PAK5: variants seen among roughly 807,000 people sequenced by gnomAD.
The protein encoded by PAK5 is serine/threonine-protein kinase PAK 5.
In PAK5, 16 loss-of-function variants were observed where a neutral mutation model predicts 65.9. That is an observed-to-expected ratio of 0.24 (90% confidence interval 0.16 to 0.37). The LOEUF is 0.37. Among genes scored for constraint, PAK5 ranks in the 10% least tolerant of loss-of-function variants. The probability of loss-of-function intolerance (pLI) is 1.00; values close to 1 mark genes in which losing one functional copy is unlikely to be tolerated. For missense variants in PAK5, 785 were observed against 903.9 expected (o/e 0.87, Z 1.69); for synonymous variants, 371 against 354.9 (o/e 1.05, Z -0.51).
chr20:9,569,856 C>G (rs1438507128), intron 4 of PAK5, among the ~76,000 whole-genome samples: 1 of 151,880 alleles, frequency 6.6e-6, no homozygotes, highest in East Asian at 1.9e-4. Flanking sequence ...GCTTCAAAAA[C>G]ACTACACTTT....
intron 1 of PAK5, among the ~76,000 whole-genome samples, chr20:9,730,017 G>A (rs868593317): frequency 0.26 from 31,564 of 123,748 alleles, 4,232 homozygotes; most frequent in East Asian, 0.37. Context: ...AAAAAAAAGA[G>A]AGAGAGAGAG....
rs111345162 is a variant in PAK5, at chr20:9,820,912, T to C, written c.-162+17850A>G. ...AAGGTGGTAAAGGAAGGCTCAATGT[T>C]GGTGATGCAAAGCCCCTAAGCACCA... On this transcript the variant is annotated intron_variant, in intron 1 of 9. Coordinates refer to ENST00000353224, the MANE Select transcript of PAK5 (RefSeq NM_177990.4). 5.6e-4 allele frequency among the ~76,000 whole-genome samples: 85 copies of C among 152,292 alleles called. 3 individuals carry two copies. The highest frequency in any genetic ancestry group is 6.8e-3 in the Middle Eastern group (2 of 294).
At chr20:9,572,237 G>A (rs147868569) in intron 4 of PAK5, among the ~76,000 whole-genome samples, 1 of 152,196 alleles carries the variant, frequency 6.6e-6, no homozygotes, top group East Asian at 1.9e-4. Flanking sequence ...CATCACTCAG[G>A]CTTTCTTCTG....
chr20:9,685,665 C>T (rs1023689592), intron 2 of PAK5, among the ~76,000 whole-genome samples: 1 of 152,156 alleles, frequency 6.6e-6, no homozygotes, highest in Admixed American at 6.5e-5. Context: ...GTTTGTGGTA[C>T]TTTGTTATAG....
chr20:9,603,573 C>T (rs1441749484), intron 3 of PAK5, among the ~76,000 whole-genome samples: 1 of 152,158 alleles, frequency 6.6e-6, no homozygotes, highest in African/African-American at 2.4e-5. Context: ...TCTTGATGAG[C>T]TAATACCCCA....
chr20:9,585,909 A>G (rs1421677027), intron 3 of PAK5, among the ~76,000 whole-genome samples: 1 of 152,234 alleles, frequency 6.6e-6, no homozygotes, highest in Non-Finnish European at 1.5e-5. Context: ...CTAAAAGTCT[A>G]GGGAAAGTTT....
intron 4 of PAK5, among the ~76,000 whole-genome samples, chr20:9,568,359 T>C (rs1328858534): frequency 6.6e-6 from 1 of 152,144 alleles, no homozygotes. Context: ...GATTTGCTGA[T>C]GGATTGGGTG....
intron 7 of PAK5, among the ~76,000 whole-genome samples, chr20:9,549,132 C>G (rs1046498381): frequency 2.0e-5 from 3 of 152,102 alleles, no homozygotes; most frequent in Admixed American, 2.0e-4. Flanking sequence ...AAAAATCCTA[C>G]AGTCCACCCC....
intron 1 of PAK5, among the ~76,000 whole-genome samples, chr20:9,808,636 C>T (rs1445116902): frequency 6.6e-6 from 1 of 152,146 alleles, no homozygotes; most frequent in Non-Finnish European, 1.5e-5. Context: ...GGAATAAGTA[C>T]TGTATGATTC....
chr20:9,754,532 T>C (rs976940013), intron 1 of PAK5, among the ~76,000 whole-genome samples: 3 of 152,102 alleles, frequency 2.0e-5, no homozygotes, highest in Admixed American at 6.6e-5. Context: ...GCACCAGTCT[T>C]AGGTTTGACA....
chr20:9,541,934 G>A (rs933094668), intron 9 of PAK5, among the ~76,000 whole-genome samples: 1 of 152,188 alleles, frequency 6.6e-6, no homozygotes, highest in South Asian at 2.1e-4. Flanking sequence ...CTTCCCCTTC[G>A]CCTTCTGCCA....
chr20:9,706,147 C>G (rs1401115712), intron 2 of PAK5, among the ~76,000 whole-genome samples: 3 of 152,218 alleles, frequency 2.0e-5, no homozygotes, highest in African/African-American at 7.2e-5. Flanking sequence ...AAATATATCT[C>G]TAACATCAGC....
intron 1 of PAK5, among the ~76,000 whole-genome samples, chr20:9,824,238 A>C (rs2049458712): frequency 6.6e-6 from 1 of 152,212 alleles, no homozygotes; most frequent in Admixed American, 6.5e-5. Context: ...AATTAAACCA[A>C]AATGGAGAAA....
intron 3 of PAK5, 60 bp from the exon 4 acceptor site, chr20:9,580,990 T>A: frequency 7.9e-7 from 1 of 1,264,900 alleles, no homozygotes; most frequent in Non-Finnish European, 1.1e-6. Flanking sequence ...AAATTGATGG[T>A]GGCATCCCAC....
intron 1 of PAK5, among the ~76,000 whole-genome samples, chr20:9,805,650 T>C (rs1463038032): frequency 6.6e-6 from 1 of 152,144 alleles, no homozygotes; most frequent in Non-Finnish European, 1.5e-5. Flanking sequence ...TTATATTAGA[T>C]ATAAATTACA....
chr20:9,758,007 A>G (rs1263052125), intron 1 of PAK5, among the ~76,000 whole-genome samples: 1 of 152,182 alleles, frequency 6.6e-6, no homozygotes, highest in Non-Finnish European at 1.5e-5. Context: ...GTATATAAAT[A>G]ACAGGATTCT....
At chr20:9,695,288 A>G (rs1326708477) in intron 2 of PAK5, among the ~76,000 whole-genome samples, 1 of 152,054 alleles carries the variant, frequency 6.6e-6, no homozygotes, top group African/African-American at 2.4e-5. Context: ...GAACAAACGT[A>G]CTGAAATGTT....
At chr20:9,626,252 A>G (rs1183096149) in intron 3 of PAK5, among the ~76,000 whole-genome samples, 6 of 152,196 alleles carry the variant, frequency 3.9e-5, no homozygotes, top group Non-Finnish European at 8.8e-5. Flanking sequence ...AAACAAACAA[A>G]AACAGAAAAA....
At position 9,537,766 on chromosome 20, in the gene PAK5, CAT is replaced by C. The variant is rs1305294525; in HGVS notation, c.*1694_*1695del. The C allele has an allele frequency of 9.0e-6, 2 of 221,430 alleles. No individual in the cohort carries two copies. Among genetic ancestry groups the C allele is most frequent in the African/African-American group, 4.5e-5 (2 of 44,498 alleles). The allele number at this position is 221,430 out of a possible 1,614,324, so 13.7% of individuals were successfully genotyped here. A position where few individuals can be genotyped will look rare whatever the true frequency, so the allele number is the denominator to read the frequency against. ...TAATGCTTTAATATTTTACATAAAA[CAT>C]TGATTTGCTGTTTTATGAAGCAAAA... On this transcript the variant is annotated 3_prime_UTR_variant, in exon 10 of 10. Transcript: ENST00000353224.
Sources: allele counts gnomAD v4.1 joint callset (sites outside exome capture counted in the v4.1 genomes callset), GRCh38; gene constraint gnomAD v4.1.1; transcripts MANE v1.5; gene names NCBI Gene and HGNC (gene_info 2026-07-23, HGNC 2026-07-21).